Variants in MALRD1 observed in about 807,000 individuals in gnomAD.
The protein encoded by MALRD1 is MAM and LDL-receptor class A domain-containing protein 1.
In MALRD1, 247 loss-of-function variants were observed where a neutral mutation model predicts 242.1. The ratio of observed to expected loss-of-function variants is 1.02; its 90% CI spans 0.92 to 1.13. The LOEUF (loss-of-function observed/expected upper bound fraction) is 1.13, where lower values mean the gene tolerates loss of function less well. Among genes scored for constraint, MALRD1 ranks in the 50% most tolerant of loss-of-function variants. MALRD1 has a pLI of 0.00. For missense variants in MALRD1, 2,989 were observed against 2,533.1 expected (o/e 1.18, Z -3.86); for synonymous variants, 995 against 866.6 (o/e 1.15, Z -2.60).
intron 10 of MALRD1, among the ~76,000 whole-genome samples, chr10:19,142,171 CAAA>C (rs529000033): frequency 3.4e-4 from 9 of 26,272 alleles, no homozygotes; most frequent in African/African-American, 1.2e-3. Context: ...GACTCTAACT[CAAA>C]AAAAAAAAAA....
At chr10:19,324,172 C>G in intron 22 of MALRD1, 67 bp downstream of exon 22, 1 of 1,415,392 alleles carries the variant, frequency 7.1e-7, no homozygotes, top group Non-Finnish European at 9.6e-7. Context: ...AATTTGGTAT[C>G]ATTAAAATAT....
intron 7 of MALRD1, among the ~76,000 whole-genome samples, chr10:19,126,521 TTTTTG>T (rs1837288093): frequency 6.6e-6 from 1 of 152,106 alleles, no homozygotes; most frequent in South Asian, 2.1e-4. Context: ...TCTTAATTTA[TTTTTG>T]TTTTAAGTGT....
At chr10:19,446,541 A>G (rs1296870883) in intron 28 of MALRD1, among the ~76,000 whole-genome samples, 2 of 152,202 alleles carry the variant, frequency 1.3e-5, no homozygotes, top group South Asian at 2.1e-4. Flanking sequence ...TGTTTGTACA[A>G]TTTGAAGTGG....
intron 24 of MALRD1, among the ~76,000 whole-genome samples, chr10:19,341,633 T>G (rs1261008993): frequency 6.6e-6 from 1 of 150,862 alleles, no homozygotes; most frequent in Non-Finnish European, 1.5e-5. Flanking sequence ...CAGCAAAAAG[T>G]AAGGAAAAGT....
At chr10:19,168,806 C>G (rs1226547941) in intron 13 of MALRD1, among the ~76,000 whole-genome samples, 5 of 152,106 alleles carry the variant, frequency 3.3e-5, no homozygotes, top group Non-Finnish European at 1.5e-5. Context: ...GTTGCTTTTT[C>G]TCTCCAATCA....
At chr10:19,477,529 T>C (rs1179734447) in intron 29 of MALRD1, among the ~76,000 whole-genome samples, 1 of 152,136 alleles carries the variant, frequency 6.6e-6, no homozygotes, top group African/African-American at 2.4e-5. Context: ...AGTGGCATCA[T>C]TGTCTGGGGC....
intron 38 of MALRD1, chr10:19,730,478 A>G (rs932596305): frequency 2.3e-5 from 13 of 575,060 alleles, no homozygotes; most frequent in Non-Finnish European, 3.4e-5. Flanking sequence ...ATTTGGATCT[A>G]AACACTCAGA....
At chr10:19,588,620 C>G (rs1037076988) in intron 33 of MALRD1, among the ~76,000 whole-genome samples, 8 of 152,130 alleles carry the variant, frequency 5.3e-5, no homozygotes, top group African/African-American at 1.9e-4. Context: ...CACTGATTCC[C>G]TAAATTCTAA....
chr10:19,327,542 T>C, intron 22 of MALRD1, 21 bp from the exon 23 acceptor site: 2 of 1,528,908 alleles, frequency 1.3e-6, no homozygotes, highest in Non-Finnish European at 1.8e-6. Flanking sequence ...TCAGTGCCTT[T>C]TACTTGATTT....
intron 11 of MALRD1, among the ~76,000 whole-genome samples, chr10:19,148,990 C>T (rs550995537): frequency 2.0e-5 from 3 of 151,636 alleles, no homozygotes; most frequent in Non-Finnish European, 4.4e-5. Flanking sequence ...CTAATAATTC[C>T]GATATCTAAG....
At chr10:19,249,835 T>C (rs1440154281) in intron 18 of MALRD1, among the ~76,000 whole-genome samples, 1 of 151,832 alleles carries the variant, frequency 6.6e-6, no homozygotes, top group East Asian at 1.9e-4. Flanking sequence ...AAGACAAATA[T>C]GGGTTAGTTA....
At chr10:19,179,354 G>A (rs1835396713) in intron 14 of MALRD1, among the ~76,000 whole-genome samples, 1 of 152,184 alleles carries the variant, frequency 6.6e-6, no homozygotes. Flanking sequence ...AAAATGTGTT[G>A]TGGGGGTAGA....
intron 28 of MALRD1, among the ~76,000 whole-genome samples, chr10:19,449,777 A>G (rs1199535985): frequency 6.6e-6 from 1 of 151,964 alleles, no homozygotes; most frequent in African/African-American, 2.4e-5. Context: ...TGTACATCAA[A>G]CCTCCATGAC....
At chr10:19,153,365 A>G (rs1204161423) in intron 11 of MALRD1, among the ~76,000 whole-genome samples, 3 of 152,184 alleles carry the variant, frequency 2.0e-5, no homozygotes, top group Non-Finnish European at 2.9e-5. Context: ...GGAGCTCTCC[A>G]TATTTTTCTA....
chr10:19,380,010 T>G (rs1372164747), intron 26 of MALRD1, among the ~76,000 whole-genome samples: 2 of 149,218 alleles, frequency 1.3e-5, no homozygotes, highest in East Asian at 4.0e-4. Context: ...AGTGTCACTC[T>G]ATCACCCAGG....
rs575091221 is a variant in MALRD1 at position 19,195,612 on chromosome 10, T to C, written c.1952-8116T>C. The stretch of plus-strand genomic sequence containing the variant: ...CTTTCCTCCAAACACAGTCTTAGAG[T>C]ATGTCCGGGGTTAGAAATGACAACA... On this transcript the variant is annotated intron_variant, in intron 14 of 39. Coordinates refer to ENST00000454679, the MANE Select transcript of MALRD1 (RefSeq NM_001142308.3). Among the ~76,000 whole-genome samples, 9 of 152,256 alleles carry C rather than the reference T, an allele frequency of 5.9e-5. 1 individual carries two copies. Among genetic ancestry groups the C allele is most frequent in the African/African-American group, 2.2e-4 (9 of 41,548 alleles).
chr10:19,528,575 G>C (rs919535789), intron 31 of MALRD1, among the ~76,000 whole-genome samples: 1 of 152,142 alleles, frequency 6.6e-6, no homozygotes, highest in African/African-American at 2.4e-5. Flanking sequence ...CCTGGCGACA[G>C]AGCAAGACTC....
intron 2 of MALRD1, among the ~76,000 whole-genome samples, chr10:19,073,668 C>T (rs4748547): frequency 0.53 from 80,766 of 151,904 alleles, 21,573 homozygotes; most frequent in Middle Eastern, 0.6. Context: ...ATCTCTAATG[C>T]ATGTGCAAAT....
intron 31 of MALRD1, among the ~76,000 whole-genome samples, chr10:19,523,837 G>C (rs1310862430): frequency 6.6e-6 from 1 of 151,982 alleles, no homozygotes; most frequent in East Asian, 1.9e-4. Context: ...GGGGGCGCAT[G>C]GGGGGAGTTT....
Sources: gnomAD v4.1 joint callset for allele counts (sites outside exome capture counted in the v4.1 genomes callset) on GRCh38, gnomAD v4.1.1 for gene constraint, MANE v1.5 for transcripts, NCBI Gene and HGNC (gene_info 2026-07-23, HGNC 2026-07-21) for gene names.